SUMF1: variants seen among roughly 807,000 people sequenced by gnomAD.
SUMF1 encodes formylglycine-generating enzyme.
A neutral mutation model predicts 47.6 loss-of-function variants in SUMF1; 48 were observed. The observed-to-expected ratio is 1.01, with a 90% CI of 0.80 to 1.28. SUMF1 has a LOEUF of 1.28. Among genes scored for constraint, SUMF1 ranks in the 50% most tolerant of loss-of-function variants. The probability of loss-of-function intolerance (pLI) is 0.00; values close to 1 mark genes in which losing one functional copy is unlikely to be tolerated. For synonymous variants in SUMF1, 230 were observed against 192.1 expected (o/e 1.20, Z -1.63); for missense variants, 571 against 485.4 (o/e 1.18, Z -1.66).
At chr3:4,177,007 C>T (rs1221024722) in intron 8 of SUMF1, among the ~76,000 whole-genome samples, 2 of 152,142 alleles carry the variant, frequency 1.3e-5, no homozygotes, top group Non-Finnish European at 2.9e-5. Flanking sequence ...AATATATATG[C>T]ACCCAATACA....
intron 8 of SUMF1, among the ~76,000 whole-genome samples, chr3:4,215,531 A>C (rs1372370814): frequency 6.6e-6 from 1 of 152,114 alleles, no homozygotes; most frequent in African/African-American, 2.4e-5. Context: ...CATAGTATTG[A>C]AAGTTCTGGC....
chr3:4,349,199 A>G (rs772149683), intron 8 of SUMF1, among the ~76,000 whole-genome samples: 2 of 152,242 alleles, frequency 1.3e-5, no homozygotes, highest in South Asian at 4.1e-4. Flanking sequence ...AAGGATATGA[A>G]CAAACACTTC....
chr3:4,279,104 T>C (rs1697478690), intron 8 of SUMF1, among the ~76,000 whole-genome samples: 1 of 152,168 alleles, frequency 6.6e-6, no homozygotes, highest in Non-Finnish European at 1.5e-5. Flanking sequence ...TTGCCACATG[T>C]AGTTTGAGAA....
At chr3:4,101,782 T>C (rs1332198259) in intron 8 of SUMF1, among the ~76,000 whole-genome samples, 1 of 152,020 alleles carries the variant, frequency 6.6e-6, no homozygotes, top group Non-Finnish European at 1.5e-5. Context: ...GTAGAAAATG[T>C]GAGTTTTATT....
At chr3:4,304,662 A>T (rs1322046379) in intron 8 of SUMF1, among the ~76,000 whole-genome samples, 1 of 152,232 alleles carries the variant, frequency 6.6e-6, no homozygotes, top group African/African-American at 2.4e-5. Context: ...ATTATCAACA[A>T]TGAACCCTAT....
At chr3:4,404,318 G>T (rs1305172863) in intron 7 of SUMF1, among the ~76,000 whole-genome samples, 4 of 152,114 alleles carry the variant, frequency 2.6e-5, no homozygotes, top group Non-Finnish European at 5.9e-5. Flanking sequence ...CTTTCCCCTT[G>T]GCACTTACTC....
intron 8 of SUMF1, among the ~76,000 whole-genome samples, chr3:4,217,522 A>ATATATAATATATATAT (rs1695956520): frequency 1.4e-5 from 1 of 72,240 alleles, no homozygotes; most frequent in Non-Finnish European, 2.7e-5. Context: ...TTTTATATAT[A>ATATATAATATATATAT]TATATATATA....
chr3:4,254,511 T>G (rs1056444683), intron 8 of SUMF1, among the ~76,000 whole-genome samples: 36 of 149,254 alleles, frequency 2.4e-4, no homozygotes, highest in Admixed American at 1.0e-3. Flanking sequence ...AGAAAGGGTA[T>G]CAGCAATGGA....
At chr3:4,230,538 G>C (rs562703692) in intron 8 of SUMF1, among the ~76,000 whole-genome samples, 1 of 152,096 alleles carries the variant, frequency 6.6e-6, no homozygotes, top group Non-Finnish European at 1.5e-5. Context: ...GAGGAGACAG[G>C]TGTGTGGAGC....
rs1228142441 is a variant in SUMF1, at chr3:4,362,249, A to G, written c.1020T>C (p.Tyr340=). The change falls in exon 9 of 9, where the codon TAT becomes TAC. Residue 340 remains tyrosine (Y), a synonymous_variant. Coordinates refer to ENST00000272902, the MANE Select transcript of SUMF1 (RefSeq NM_182760.4). ...KGGSYMCHRS[Y]CYRYRCAARS... is the part of the protein sequence containing the mutation. ...GAGCAGCACAGCGATACCTGTAACA[A>G]TAAGACTGTGTAGAGAGAAAGAGCA... The G allele has an allele frequency of 1.9e-6, 3 of 1,613,996 alleles. No homozygotes were observed. Among genetic ancestry groups the G allele is most frequent in the South Asian group, 1.1e-5 (1 of 91,076 alleles).
chr3:4,423,305 C>CACACAT (rs1553577192), intron 3 of SUMF1, among the ~76,000 whole-genome samples: 6 of 151,960 alleles, frequency 3.9e-5, no homozygotes, highest in African/African-American at 1.5e-4. Flanking sequence ...CACACACACA[C>CACACAT]ACACACACAC....
At chr3:4,291,758 G>A (rs1346140910) in intron 8 of SUMF1, among the ~76,000 whole-genome samples, 1 of 151,958 alleles carries the variant, frequency 6.6e-6, no homozygotes, top group African/African-American at 2.4e-5. Flanking sequence ...TTCCAACAGG[G>A]AAGCAAAAAA....
intron 9 of SUMF1, among the ~76,000 whole-genome samples, chr3:4,064,699 C>T (rs1482246763): frequency 6.6e-6 from 1 of 152,088 alleles, no homozygotes; most frequent in Non-Finnish European, 1.5e-5. Context: ...TGGCATGAAC[C>T]CGGGAGGCAG....
rs147458413 is a variant in SUMF1 at position 4,280,195 on chromosome 3, A to C, written c.1014+96135T>G. Among the ~76,000 whole-genome samples, 107 of 152,300 alleles carry C rather than the reference A, an allele frequency of 7.0e-4. 1 individual carries two copies. The East Asian group carries it at 0.02, about 28-fold the overall frequency. On this transcript the variant is annotated intron_variant and NMD_transcript_variant, in intron 8 of 12. Transcript: ENST00000448413. Reference sequence around the variant, plus strand: ...ATCTTAAAGCATCATGTTGTACATAATATATAGAATTTTTGTCAATTAAAA... The same window carrying C: ...ATCTTAAAGCATCATGTTGTACATACTATATAGAATTTTTGTCAATTAAAA...
intron 8 of SUMF1, among the ~76,000 whole-genome samples, chr3:4,312,719 A>AAC (rs1161062622): frequency 6.6e-6 from 1 of 151,432 alleles, no homozygotes; most frequent in Non-Finnish European, 1.5e-5. Context: ...AAAAAAAAAA[A>AAC]AACTTGTTTT....
intron 8 of SUMF1, among the ~76,000 whole-genome samples, chr3:4,315,725 A>G (rs997955289): frequency 6.6e-6 from 1 of 152,150 alleles, no homozygotes; most frequent in East Asian, 1.9e-4. Flanking sequence ...TGATAAAATA[A>G]CATTTTTATA....
chr3:4,315,385 A>G (rs563295425), intron 8 of SUMF1, among the ~76,000 whole-genome samples: 8 of 152,298 alleles, frequency 5.3e-5, no homozygotes, highest in African/African-American at 1.9e-4. Context: ...TTGCCTTTCT[A>G]TATTGAACAG....
intron 8 of SUMF1, among the ~76,000 whole-genome samples, chr3:4,098,934 T>A (rs920683465): frequency 7.2e-5 from 11 of 152,140 alleles, no homozygotes; most frequent in African/African-American, 2.7e-4. Context: ...TTAAGCAGAT[T>A]TGTAGCATTC....
chr3:4,400,748 A>G (rs957063641), intron 7 of SUMF1, among the ~76,000 whole-genome samples: 5 of 152,208 alleles, frequency 3.3e-5, no homozygotes, highest in Non-Finnish European at 7.3e-5. Context: ...AGGAAACAGA[A>G]GCAAAGGATT....
Sources: gnomAD v4.1 joint callset for allele counts (sites outside exome capture counted in the v4.1 genomes callset) on GRCh38, gnomAD v4.1.1 for gene constraint, MANE v1.5 for transcripts, NCBI Gene and HGNC (gene_info 2026-07-23, HGNC 2026-07-21) for gene names.